Variants in FOXP1 observed in about 807,000 individuals in gnomAD.
FOXP1 encodes the protein forkhead box protein P1.
In FOXP1, 15 loss-of-function variants were observed where a neutral mutation model predicts 98.2. The ratio of observed to expected loss-of-function variants is 0.15; its 90% CI spans 0.10 to 0.24. FOXP1 has a LOEUF of 0.24. FOXP1 is among the 10% of genes least tolerant of loss of function. The probability of loss-of-function intolerance (pLI) is 1.00; values close to 1 mark genes in which losing one functional copy is unlikely to be tolerated. For missense variants in FOXP1, 633 were observed against 848.5 expected (o/e 0.75, Z 3.15); for synonymous variants, 371 against 314.5 (o/e 1.18, Z -1.90).
intron 5 of FOXP1, 29 bp from the exon 6 acceptor site, chr3:71,198,421 A>G (rs56850311): frequency 0.021 from 7,999 of 386,564 alleles, 4 homozygotes; most frequent in South Asian, 0.029. Flanking sequence ...AGATGGGGGG[A>G]GGGAGGGGGG....
chr3:71,200,917 T>C (rs2063633937), intron 5 of FOXP1, among the ~76,000 whole-genome samples: 1 of 152,220 alleles, frequency 6.6e-6, no homozygotes, highest in Non-Finnish European at 1.5e-5. Context: ...CCTTTCACTG[T>C]ATAGCATGAT....
At chr3:71,529,487 GC>G (rs1353722088) in intron 2 of FOXP1, among the ~76,000 whole-genome samples, 2 of 152,208 alleles carry the variant, frequency 1.3e-5, no homozygotes, top group African/African-American at 4.8e-5. Flanking sequence ...GGGCACTGCA[GC>G]AAGGCCTCAG....
chr3:71,265,555 G>A (rs1308289375), intron 5 of FOXP1, among the ~76,000 whole-genome samples: 1 of 152,192 alleles, frequency 6.6e-6, no homozygotes, highest in Non-Finnish European at 1.5e-5. Flanking sequence ...AAGATACCTA[G>A]GCAACTAGCT....
chr3:71,563,605 T>G (rs573854175), intron 2 of FOXP1, among the ~76,000 whole-genome samples: 113 of 152,344 alleles, frequency 7.4e-4, no homozygotes, highest in African/African-American at 2.7e-3. Flanking sequence ...AAATGTGGTA[T>G]TCTAGTCTTG....
chr3:71,056,046 G>A (rs1411494742), intron 7 of FOXP1, among the ~76,000 whole-genome samples: 1 of 152,174 alleles, frequency 6.6e-6, no homozygotes, highest in African/African-American at 2.4e-5. Flanking sequence ...AGGGGCACAG[G>A]TGAACTTTTG....
intron 6 of FOXP1, among the ~76,000 whole-genome samples, chr3:71,115,723 C>T (rs2058322911): frequency 6.9e-6 from 1 of 144,182 alleles, no homozygotes; most frequent in South Asian, 2.2e-4. Flanking sequence ...TTCACACATA[C>T]ACACAAAACT....
At chr3:71,408,792 C>A (rs1224718890) in intron 3 of FOXP1, among the ~76,000 whole-genome samples, 1 of 152,106 alleles carries the variant, frequency 6.6e-6, no homozygotes, top group Non-Finnish European at 1.5e-5. Context: ...GCATAAAGAT[C>A]CCGGTTTCTA....
intron 3 of FOXP1, among the ~76,000 whole-genome samples, chr3:71,435,134 G>T (rs549581907): frequency 2.8e-5 from 4 of 145,144 alleles, no homozygotes; most frequent in Non-Finnish European, 6.0e-5. Flanking sequence ...GAAGGTGGAC[G>T]TTGAGGATGA....
In FOXP1 at chr3:71,462,757, C is replaced by T. The variant is rs78613482; in HGVS notation, c.-168+30669G>A. 1.5e-3 allele frequency among the ~76,000 whole-genome samples: 233 copies of T among 152,306 alleles called. 2 individuals carry two copies. Among genetic ancestry groups the T allele is most frequent in the Middle Eastern group, 3.4e-3 (1 of 294 alleles). On this transcript the variant is annotated intron_variant, in intron 3 of 20. Coordinates refer to ENST00000649528, the MANE Select transcript of FOXP1 (RefSeq NM_001349338.3). ...CCGATGAAGGAAAATTCAAACCAGC[C>T]ACCGCCTTCAACATGTTTTTTATTT...
At chr3:71,568,207 T>G (rs1559541101) in intron 2 of FOXP1, among the ~76,000 whole-genome samples, 1 of 152,178 alleles carries the variant, frequency 6.6e-6, no homozygotes, top group Non-Finnish European at 1.5e-5. Context: ...TGGAAATGGC[T>G]AAGATGTTGT....
At position 71,053,765 on chromosome 3, in the gene FOXP1, C is replaced by T. The variant is rs1190549831; in HGVS notation, c.291G>A (p.Val97=). Residue 97 remains valine, a synonymous_variant, in exon 8 of 21, where the codon GTG becomes GTA. Coordinates refer to ENST00000649528, the MANE Select transcript of FOXP1 (RefSeq NM_001349338.3). ...CTTGAGGTGTCATCATAGCCACTGACACGGGAACCTAGAATGTTAATGAAG... is the reference window on the plus strand; with the variant it reads ...CTTGAGGTGTCATCATAGCCACTGATACGGGAACCTAGAATGTTAATGAAG... ...NDKQPALQVP[V]SVAMMTPQVI... 1 of 1,614,000 alleles carries T rather than the reference C, an allele frequency of 6.2e-7. No individual in the cohort carries two copies. Among genetic ancestry groups the T allele is most frequent in the African/African-American group, 1.3e-5 (1 of 75,002 alleles).
intron 3 of FOXP1, among the ~76,000 whole-genome samples, chr3:71,434,695 T>TA (rs1396342904): frequency 7.7e-5 from 11 of 143,448 alleles, no homozygotes; most frequent in South Asian, 6.6e-4. Context: ...GGTGAGGAGT[T>TA]AGACTTAAAT....
intron 5 of FOXP1, among the ~76,000 whole-genome samples, chr3:71,217,981 G>A (rs1260144937): frequency 6.6e-6 from 1 of 152,028 alleles, no homozygotes; most frequent in Non-Finnish European, 1.5e-5. Context: ...TCATTGTGTC[G>A]ACATCCTCCC....
rs546394882 is a variant in FOXP1 at position 71,011,299 on chromosome 3, T to G, written c.974+4250A>C. Among the ~76,000 whole-genome samples the G allele has an allele frequency of 5.3e-5, 8 of 152,240 alleles. No individual in the cohort carries two copies. In the East Asian group the frequency reaches 5.8e-4, roughly 11 times the overall value. On this transcript the variant is annotated intron_variant, in intron 12 of 20. Transcript: ENST00000649528. ...ATCTCCCTCTGTTCTGGAGGCAGCA[T>G]GTAATGCAAGCCAGGGCACATCATG...
intron 5 of FOXP1, among the ~76,000 whole-genome samples, chr3:71,285,907 C>T (rs1039520855): frequency 1.4e-4 from 22 of 152,168 alleles, no homozygotes; most frequent in African/African-American, 5.1e-4. Context: ...TTCCTTGGTC[C>T]TCTCTGAATC....
chr3:71,057,510 C>G (rs981728652), intron 7 of FOXP1, among the ~76,000 whole-genome samples: 5 of 148,914 alleles, frequency 3.4e-5, no homozygotes, highest in Non-Finnish European at 5.9e-5. Context: ...ACTACCTTAA[C>G]TGTTTGAGTA....
chr3:71,194,606 T>G (rs2108358763), intron 6 of FOXP1, among the ~76,000 whole-genome samples: 1 of 152,218 alleles, frequency 6.6e-6, no homozygotes, highest in East Asian at 1.9e-4. Context: ...AAAAAAAACT[T>G]TAGTAATTGC....
intron 3 of FOXP1, among the ~76,000 whole-genome samples, chr3:71,474,442 G>A (rs2089638864): frequency 6.6e-6 from 1 of 152,064 alleles, no homozygotes; most frequent in African/African-American, 2.4e-5. Flanking sequence ...CCAGTCCCCG[G>A]GCCACAGACT....
chr3:71,548,397 A>C (rs2045528870), intron 2 of FOXP1, among the ~76,000 whole-genome samples: 1 of 150,808 alleles, frequency 6.6e-6, no homozygotes, highest in African/African-American at 2.5e-5. Flanking sequence ...CCCCTTCCTC[A>C]ACTGTTTTTG....
Sources: allele counts gnomAD v4.1 joint callset (sites outside exome capture counted in the v4.1 genomes callset), GRCh38; gene constraint gnomAD v4.1.1; transcripts MANE v1.5; gene names NCBI Gene and HGNC (gene_info 2026-07-23, HGNC 2026-07-21).